The following RTL4 variants were observed in gnomAD, a reference collection of about 807,000 sequenced individuals.
RTL4 encodes the protein retrotransposon Gag like 4, also known as retrotransposon Gag-like protein 4.
Under a neutral mutation model 5.3 loss-of-function variants are expected in RTL4, and 4 were observed. The ratio of observed to expected loss-of-function variants is 0.75; its 90% CI spans 0.37 to 1.72. The LOEUF (loss-of-function observed/expected upper bound fraction) is 1.72. Ranked by LOEUF, RTL4 falls within the 40% of genes most tolerant of loss-of-function variation. The pLI is 0.04. For synonymous variants in RTL4, 98 were observed against 87.3 expected, an observed-to-expected ratio of 1.12 and a Z score of -0.68; for missense variants, 260 against 227.1, an observed-to-expected ratio of 1.14 and a Z score of -0.93.
At chrX:112,102,026 G>T in the RTL4 span, among the ~76,000 whole-genome samples, 2 of 110,795 alleles carry the variant, frequency 1.8e-5, no homozygotes, top group Admixed American at 9.7e-5. Context: ...AACTGTAAAA[G>T]AATATGTTTC....
the RTL4 span, among the ~76,000 whole-genome samples, chrX:112,291,919 C>A: frequency 8.1e-5 from 9 of 110,568 alleles, no homozygotes; most frequent in Non-Finnish European, 1.7e-4. Context: ...TTCTACCAAC[C>A]ATCTCCCCCT....
the RTL4 span, among the ~76,000 whole-genome samples, chrX:112,275,807 A>C: frequency 0.056 from 6,165 of 110,779 alleles, 415 homozygotes; most frequent in African/African-American, 0.19. Context: ...TGGTGGTATG[A>C]ACTTGTGGTC....
the RTL4 span, among the ~76,000 whole-genome samples, chrX:112,134,663 A>T: frequency 0.12 from 13,826 of 111,947 alleles, 1,609 homozygotes; most frequent in African/African-American, 0.37. Flanking sequence ...TACCATAAGG[A>T]TAATGAAACA....
chrX:112,423,104 T>C, the RTL4 span, among the ~76,000 whole-genome samples: 3 of 103,449 alleles, frequency 2.9e-5, no homozygotes, highest in African/African-American at 1.0e-4. Flanking sequence ...TTTTATTTCA[T>C]TGTGTGTGGG....
the RTL4 span, among the ~76,000 whole-genome samples, chrX:112,220,226 G>T: frequency 7.1e-5 from 8 of 112,551 alleles, no homozygotes; most frequent in East Asian, 2.2e-3. Context: ...AGTCTAAATT[G>T]TATTTCCTGA....
At chrX:112,306,240 G>A in the RTL4 span, among the ~76,000 whole-genome samples, 1 of 110,837 alleles carries the variant, frequency 9.0e-6, no homozygotes, top group Admixed American at 9.7e-5. Flanking sequence ...ATGAATATTT[G>A]ATGTTGAAGC....
the RTL4 span, among the ~76,000 whole-genome samples, chrX:112,237,384 G>T: frequency 2.7e-5 from 3 of 112,074 alleles, no homozygotes; most frequent in East Asian, 8.5e-4. Flanking sequence ...ATGGGCAGGG[G>T]CTAGACTTTT....
chrX:112,175,561 G>T, the RTL4 span, among the ~76,000 whole-genome samples: 1 of 108,624 alleles, frequency 9.2e-6, no homozygotes, highest in Admixed American at 1.0e-4. Context: ...TTGGCAATGC[G>T]GGCTCTTTTT....
At chrX:112,323,562 G>T in the RTL4 span, among the ~76,000 whole-genome samples, 2 of 110,235 alleles carry the variant, frequency 1.8e-5, no homozygotes, top group Non-Finnish European at 3.8e-5. Context: ...TAGGATCATG[G>T]CTCACTGCAA....
the RTL4 span, among the ~76,000 whole-genome samples, chrX:112,248,817 G>A: frequency 1.5e-3 from 173 of 112,133 alleles, no homozygotes; most frequent in African/African-American, 5.3e-3. Flanking sequence ...AAGTATAAGG[G>A]CCTACAGCAA....
At chrX:112,321,918 C>G in the RTL4 span, among the ~76,000 whole-genome samples, 18 of 111,736 alleles carry the variant, frequency 1.6e-4, no homozygotes, top group Admixed American at 4.8e-4. Context: ...CTCATGTACC[C>G]CATACATTTG....
chrX:112,327,525 T>C, the RTL4 span, among the ~76,000 whole-genome samples: 387 of 109,377 alleles, frequency 3.5e-3, 2 homozygotes, highest in African/African-American at 0.012. Flanking sequence ...CAAATCTATG[T>C]CTGATTGGTG....
At chrX:112,288,373 T>G in the RTL4 span, among the ~76,000 whole-genome samples, 34 of 112,164 alleles carry the variant, frequency 3.0e-4, no homozygotes, top group Middle Eastern at 4.6e-3. Context: ...GATGTTTGTT[T>G]TTATTGACAC....
the RTL4 span, among the ~76,000 whole-genome samples, chrX:112,435,444 A>C: frequency 8.9e-6 from 1 of 112,399 alleles, no homozygotes; most frequent in Non-Finnish European, 1.9e-5. Context: ...TATCTTCTTG[A>C]GAGTTCTAAA....
the RTL4 span, among the ~76,000 whole-genome samples, chrX:112,154,139 CCTTTTATTTACCGTA>C: frequency 9.0e-6 from 1 of 111,155 alleles, no homozygotes. Context: ...GTGAATTTCT[CCTTTTATTTACCGTA>C]CTTTTCAATT....
chrX:112,434,084 C>A, the RTL4 span, among the ~76,000 whole-genome samples: 17 of 102,105 alleles, frequency 1.7e-4, no homozygotes, highest in Middle Eastern at 4.9e-3. Flanking sequence ...GGATGAAGCC[C>A]ACTTGATCAT....
the RTL4 span, among the ~76,000 whole-genome samples, chrX:112,226,003 C>T: frequency 1.8e-5 from 2 of 111,813 alleles, no homozygotes; most frequent in Non-Finnish European, 3.8e-5. Context: ...TGTGAAGTCA[C>T]TGAACTCAGA....
At chrX:112,357,003 T>C in the RTL4 span, among the ~76,000 whole-genome samples, 1 of 111,548 alleles carries the variant, frequency 9.0e-6, no homozygotes, top group African/African-American at 3.3e-5. Flanking sequence ...CTATAGTCAG[T>C]ACTCTTTTGG....
the RTL4 span, among the ~76,000 whole-genome samples, chrX:112,226,245 C>T: frequency 8.9e-6 from 1 of 112,034 alleles, no homozygotes; most frequent in Non-Finnish European, 1.9e-5. Flanking sequence ...CACACTGCAA[C>T]CAGTTTCAGG....
Sources: allele counts gnomAD v4.1 joint callset (sites outside exome capture counted in the v4.1 genomes callset), GRCh38; gene constraint gnomAD v4.1.1; transcripts MANE v1.5; gene names NCBI Gene and HGNC (gene_info 2026-07-23, HGNC 2026-07-21).